The following CTIF variants were observed in gnomAD, a reference collection of about 807,000 sequenced individuals.
The protein encoded by CTIF is CBP80/20-dependent translation initiation factor.
A neutral mutation model predicts 66.0 loss-of-function variants in CTIF; 21 were observed. That is an observed-to-expected ratio of 0.32 (90% CI 0.23 to 0.46). CTIF has a LOEUF of 0.46. Ranked by LOEUF, CTIF falls within the 20% of genes least tolerant of loss-of-function variation. CTIF has a pLI of 1.00. For synonymous variants in CTIF, 345 were observed against 326.4 expected (o/e 1.06, Z -0.62); for missense variants, 739 against 812.7 (o/e 0.91, Z 1.10).
chr18:48,767,507 G>A lies in CTIF; in HGVS notation c.1371+5818G>A, dbSNP rs143988552. ...GAGGTGTCTGCATCCGAGCTATGCA[G>A]AGCAAAGTATTATTAGAGCCGGCAT... On this transcript the variant is annotated intron_variant, in intron 9 of 11. Coordinates refer to ENST00000256413, the MANE Select transcript of CTIF (RefSeq NM_014772.3). Among the ~76,000 whole-genome samples, 21 of 152,288 alleles carry A rather than the reference G, an allele frequency of 1.4e-4. 1 individual carries two copies. Among genetic ancestry groups the A allele is most frequent in the African/African-American group, 4.8e-4 (20 of 41,564 alleles).
At chr18:48,602,908 G>GAT (rs2090120383) in intron 1 of CTIF, among the ~76,000 whole-genome samples, 1 of 150,990 alleles carries the variant, frequency 6.6e-6, no homozygotes, top group Non-Finnish European at 1.5e-5. Context: ...TGGATGGATG[G>GAT]GTGGATGGCT....
chr18:48,707,900 C>T (rs567229236), intron 6 of CTIF, among the ~76,000 whole-genome samples: 6 of 152,270 alleles, frequency 3.9e-5, no homozygotes, highest in African/African-American at 1.4e-4. Context: ...CCCTGGCAAC[C>T]ACGGATCCAC....
At chr18:48,561,069 T>C (rs984888693) in intron 1 of CTIF, among the ~76,000 whole-genome samples, 1 of 151,886 alleles carries the variant, frequency 6.6e-6, no homozygotes, top group African/African-American at 2.4e-5. Flanking sequence ...CCAAACCCCA[T>C]CTCTACTAAA....
At chr18:48,688,406 G>A (rs1284000971) in intron 6 of CTIF, 6 of 152,312 alleles carry the variant, frequency 3.9e-5, no homozygotes, top group African/African-American at 1.4e-4. Context: ...TCAGGTATAG[G>A]GGTGCCAAGG....
chr18:48,580,227 G>A (rs945350924), intron 1 of CTIF, among the ~76,000 whole-genome samples: 2 of 152,222 alleles, frequency 1.3e-5, no homozygotes, highest in Admixed American at 1.3e-4. Flanking sequence ...TGTCGTCACG[G>A]GTAGAGTGCT....
intron 6 of CTIF, among the ~76,000 whole-genome samples, chr18:48,711,250 A>G (rs1031409087): frequency 5.3e-5 from 8 of 152,254 alleles, no homozygotes; most frequent in Non-Finnish European, 1.0e-4. Flanking sequence ...TGGGATGCAC[A>G]GCCAGTGAGC....
At chr18:48,664,684 G>A (rs2091406323) in intron 5 of CTIF, 133 bp downstream of exon 5, 4 of 695,362 alleles carry the variant, frequency 5.8e-6, no homozygotes, top group South Asian at 3.6e-5. Flanking sequence ...CTTCTTATGC[G>A]TCCCAGAGCT....
chr18:48,650,383 T>A (rs2091133883), intron 3 of CTIF, among the ~76,000 whole-genome samples: 1 of 152,136 alleles, frequency 6.6e-6, no homozygotes, highest in South Asian at 2.1e-4. Context: ...ATATCAGTGA[T>A]TGAAGATCAA....
chr18:48,824,834 G>T, intron 10 of CTIF, among the ~76,000 whole-genome samples: 1 of 152,080 alleles, frequency 6.6e-6, no homozygotes, highest in East Asian at 1.9e-4. Flanking sequence ...TAGAGACGGG[G>T]TTTCGCCATG....
chr18:48,756,842 C>T (rs1012526193), intron 7 of CTIF, among the ~76,000 whole-genome samples: 1 of 152,232 alleles, frequency 6.6e-6, no homozygotes, highest in African/African-American at 2.4e-5. Flanking sequence ...CACCTGTTCC[C>T]TGTGCTTAGA....
chr18:48,601,891 A>T (rs968977724), intron 1 of CTIF, among the ~76,000 whole-genome samples: 31 of 152,290 alleles, frequency 2.0e-4, no homozygotes, highest in African/African-American at 7.5e-4. Context: ...AGGCTCTGGG[A>T]TTTGGGGTGT....
chr18:48,617,593 G>A (rs1025627087), intron 1 of CTIF, among the ~76,000 whole-genome samples: 1 of 152,192 alleles, frequency 6.6e-6, no homozygotes, highest in African/African-American at 2.4e-5. Context: ...GGTGGGTGCT[G>A]GTGGTGTGGG....
chr18:48,693,512 C>A (rs913868047), intron 6 of CTIF, among the ~76,000 whole-genome samples: 1 of 152,166 alleles, frequency 6.6e-6, no homozygotes, highest in African/African-American at 2.4e-5. Context: ...CTGAGAGCCA[C>A]CAACCTCAGG....
In CTIF at chr18:48,778,694, G is replaced by A. The variant is rs374997269; in HGVS notation, c.1371+17005G>A. ...GCAGAGGTGGTGGGGGTGTCCAGGGGCCTGAGGTGGCGGTGAGGATGGGCA... is the reference window on the plus strand; with the variant it reads ...GCAGAGGTGGTGGGGGTGTCCAGGGACCTGAGGTGGCGGTGAGGATGGGCA... On this transcript the variant is annotated intron_variant, in intron 9 of 11. Transcript: ENST00000256413. Among the ~76,000 whole-genome samples, 12 of 152,332 alleles carry A rather than the reference G, an allele frequency of 7.9e-5. No homozygotes were observed. The South Asian group carries it at 1.4e-3, about 18-fold the overall frequency.
intron 9 of CTIF, among the ~76,000 whole-genome samples, chr18:48,812,216 G>C (rs1045562619): frequency 6.6e-6 from 1 of 152,148 alleles, no homozygotes; most frequent in Non-Finnish European, 1.5e-5. Context: ...GACCTGCCTT[G>C]GCCTCCCAAA....
chr18:48,560,907 A>C (rs1260481048), intron 1 of CTIF, among the ~76,000 whole-genome samples: 2 of 152,090 alleles, frequency 1.3e-5, no homozygotes, highest in Non-Finnish European at 2.9e-5. Context: ...TGAGGTTTAG[A>C]TTCATCTTCT....
intron 10 of CTIF, among the ~76,000 whole-genome samples, chr18:48,830,014 A>G (rs1287596980): frequency 2.0e-5 from 3 of 152,192 alleles, no homozygotes; most frequent in East Asian, 1.9e-4. Context: ...GGGCGGGGCC[A>G]GGCCTTTTGA....
intron 9 of CTIF, among the ~76,000 whole-genome samples, chr18:48,789,224 A>G (rs948651522): frequency 1.8e-4 from 28 of 152,184 alleles, no homozygotes; most frequent in African/African-American, 6.0e-4. Context: ...TCATTTTCCT[A>G]TAACATGATG....
chr18:48,549,300 A>G (rs997940020), intron 1 of CTIF, among the ~76,000 whole-genome samples: 4 of 152,174 alleles, frequency 2.6e-5, no homozygotes, highest in Non-Finnish European at 5.9e-5. Context: ...ACAGGGTTCT[A>G]TCTTATATCT....
Sources: gnomAD v4.1 joint callset for allele counts (sites outside exome capture counted in the v4.1 genomes callset) on GRCh38, gnomAD v4.1.1 for gene constraint, MANE v1.5 for transcripts, NCBI Gene and HGNC (gene_info 2026-07-23, HGNC 2026-07-21) for gene names.